Variants in AGBL1 observed in about 807,000 individuals in gnomAD.
AGBL1 encodes cytosolic carboxypeptidase 4.
Under a neutral mutation model 118.9 loss-of-function variants are expected in AGBL1, and 130 were observed. The ratio of observed to expected loss-of-function variants is 1.09; its 90% CI spans 0.95 to 1.26. The LOEUF (loss-of-function observed/expected upper bound fraction) is 1.26. AGBL1 is among the 50% of genes most tolerant of loss of function. The pLI is 0.00. For missense variants in AGBL1, 1,584 were observed against 1,298.1 expected, an observed-to-expected ratio of 1.22 and a Z score of -3.38; for synonymous variants, 555 against 478.9, an observed-to-expected ratio of 1.16 and a Z score of -2.08.
At chr15:86,734,658 T>C (rs936320973) in intron 22 of AGBL1, among the ~76,000 whole-genome samples, 59 of 152,100 alleles carry the variant, frequency 3.9e-4, no homozygotes, top group African/African-American at 1.3e-3. Context: ...TTCCTATACT[T>C]CTCTATTGCG....
chr15:86,120,357 A>T (rs1898021369), intron 1 of AGBL1, among the ~76,000 whole-genome samples: 1 of 152,216 alleles, frequency 6.6e-6, no homozygotes, highest in South Asian at 2.1e-4. Flanking sequence ...CATAGTACTC[A>T]GTGAGCCTGT....
chr15:86,825,505 C>T lies in AGBL1; in HGVS notation c.3159-81582C>T, dbSNP rs192478977. On this transcript the variant is annotated intron_variant, in intron 22 of 22. Coordinates refer to ENST00000614907, the MANE Select transcript of AGBL1 (RefSeq NM_001386094.1). ...CTCTTACAACTCAACAGTAAAAGTT[C>T]AAACTGTCCACTTAGAAAATGGACA... is the stretch of plus-strand genomic sequence containing the variant. Among the ~76,000 whole-genome samples the T allele has an allele frequency of 4.8e-4, 69 of 144,860 alleles. 1 individual carries two copies. Among genetic ancestry groups the T allele is most frequent in the Admixed American group, 1.8e-3 (26 of 14,252 alleles).
intron 5 of AGBL1, among the ~76,000 whole-genome samples, chr15:86,173,750 T>C (rs1170994106): frequency 6.6e-6 from 1 of 152,146 alleles, no homozygotes; most frequent in Non-Finnish European, 1.5e-5. Context: ...ATCAATTGGC[T>C]ACAAATAGGT....
intron 3 of AGBL1, among the ~76,000 whole-genome samples, chr15:86,154,072 A>T (rs2077154559): frequency 6.6e-6 from 1 of 152,194 alleles, no homozygotes; most frequent in African/African-American, 2.4e-5. Flanking sequence ...TGAATGTTAT[A>T]TTAAGAATTA....
downstream of AGBL1, chr15:87,029,095 C>G (rs1361583044): frequency 7.9e-6 from 3 of 378,376 alleles, no homozygotes; most frequent in African/African-American, 2.1e-5. Flanking sequence ...AGAACTAACA[C>G]TAGGTAAATA....
At chr15:86,247,566 C>T (rs1415539635) in intron 6 of AGBL1, 105 bp from the exon 7 acceptor site, 36 of 1,184,434 alleles carry the variant, frequency 3.0e-5, no homozygotes, top group Non-Finnish European at 4.4e-5. Flanking sequence ...GTTATTATTC[C>T]CTTGATGATT....
At chr15:86,532,647 C>T (rs1238397468) in intron 19 of AGBL1, among the ~76,000 whole-genome samples, 125 of 150,366 alleles carry the variant, frequency 8.3e-4, no homozygotes, top group African/African-American at 2.6e-3. Flanking sequence ...GAGCCCGCAT[C>T]GCCAAGTCAA....
chr15:86,725,413 A>G (rs923054910), intron 22 of AGBL1, among the ~76,000 whole-genome samples: 1 of 152,096 alleles, frequency 6.6e-6, no homozygotes, highest in African/African-American at 2.4e-5. Context: ...GTTTAAAGGT[A>G]AGTAATTAAT....
intron 22 of AGBL1, among the ~76,000 whole-genome samples, chr15:86,801,979 C>T (rs1179006358): frequency 6.6e-6 from 1 of 152,112 alleles, no homozygotes; most frequent in Non-Finnish European, 1.5e-5. Flanking sequence ...TGCTATTATA[C>T]TTGGGAAGAA....
intron 5 of AGBL1, among the ~76,000 whole-genome samples, chr15:86,215,221 ATGCGTGTGTGTGTGTGTG>A (rs1364675570): frequency 4.8e-5 from 6 of 124,704 alleles, no homozygotes; most frequent in Non-Finnish European, 8.3e-5. Context: ...GTGTATATGT[ATGCGTGTGTGTGTGTGTG>A]TGTGTGTGTG....
chr15:86,579,258 G>A (rs982446240), intron 21 of AGBL1, among the ~76,000 whole-genome samples: 1 of 152,026 alleles, frequency 6.6e-6, no homozygotes, highest in African/African-American at 2.4e-5. Flanking sequence ...TGGAATCCTG[G>A]GCAAAATCTC....
chr15:86,952,179 C>T (rs528193616), intron 23 of AGBL1, among the ~76,000 whole-genome samples: 17 of 151,416 alleles, frequency 1.1e-4, no homozygotes, highest in African/African-American at 4.1e-4. Context: ...TGCAGTGAGC[C>T]GAGATCACGC....
intron 1 of AGBL1, among the ~76,000 whole-genome samples, chr15:86,082,301 C>T (rs752554978): frequency 6.6e-6 from 1 of 152,232 alleles, no homozygotes; most frequent in African/African-American, 2.4e-5. Flanking sequence ...TTAGCTGAAC[C>T]TGTCTCAGTT....
At position 86,413,277 on chromosome 15, in the gene AGBL1, A is replaced by C. The variant is rs568391748; in HGVS notation, c.2555+15731A>C. On this transcript the variant is annotated intron_variant, in intron 18 of 22. Coordinates refer to ENST00000614907, the MANE Select transcript of AGBL1 (RefSeq NM_001386094.1). ...TCCAGGCCTAAAACTTTCCCCACTG[A>C]ATCTCCATTACATGCAAGGATAACA... 3.3e-5 allele frequency among the ~76,000 whole-genome samples: 5 copies of C among 152,336 alleles called. No individual in the cohort carries two copies. In the South Asian group the frequency reaches 1.0e-3, roughly 32 times the overall value.
At chr15:86,896,357 T>G (rs1234263459) in intron 22 of AGBL1, among the ~76,000 whole-genome samples, 1 of 151,788 alleles carries the variant, frequency 6.6e-6, no homozygotes, top group African/African-American at 2.4e-5. Context: ...CAGGCTGTAG[T>G]CTTCACCCCC....
intron 22 of AGBL1, among the ~76,000 whole-genome samples, chr15:86,717,970 C>G (rs2086662616): frequency 6.6e-6 from 1 of 152,042 alleles, no homozygotes; most frequent in Admixed American, 6.5e-5. Flanking sequence ...CTCAGCTACT[C>G]AGGAGGCTGA....
intron 17 of AGBL1, among the ~76,000 whole-genome samples, chr15:86,371,379 C>T (rs1279875437): frequency 1.3e-5 from 2 of 152,106 alleles, no homozygotes; most frequent in African/African-American, 4.8e-5. Context: ...TAATTTTGTG[C>T]ATGAAGAGCT....
intron 18 of AGBL1, among the ~76,000 whole-genome samples, chr15:86,515,726 C>G (rs1411582427): frequency 6.6e-6 from 1 of 152,220 alleles, no homozygotes; most frequent in Non-Finnish European, 1.5e-5. Flanking sequence ...TAAGGTTTCA[C>G]TGTTCACTTG....
intron 22 of AGBL1, among the ~76,000 whole-genome samples, chr15:86,864,770 G>C (rs548891876): frequency 6.6e-6 from 1 of 152,310 alleles, no homozygotes; most frequent in Admixed American, 6.5e-5. Context: ...CCAGGAGCTA[G>C]GCGTCAGGAG....
Sources: allele counts gnomAD v4.1 joint callset (sites outside exome capture counted in the v4.1 genomes callset), GRCh38; gene constraint gnomAD v4.1.1; transcripts MANE v1.5; gene names NCBI Gene and HGNC (gene_info 2026-07-23, HGNC 2026-07-21).